The following KLHL1 variants were observed in gnomAD, a reference collection of about 807,000 sequenced individuals.
The protein encoded by KLHL1 is kelch-like protein 1.
In KLHL1, 47 loss-of-function variants were observed where a neutral mutation model predicts 77.7. That is an observed-to-expected ratio of 0.60 (90% CI 0.48 to 0.77). KLHL1 has a LOEUF of 0.77. Ranked by LOEUF, KLHL1 falls within the 30% of genes least tolerant of loss-of-function variation. KLHL1 has a pLI of 0.00. For synonymous variants in KLHL1, 360 were observed against 325.2 expected (o/e 1.11, Z -1.15); for missense variants, 925 against 910.8 (o/e 1.02, Z -0.20).
chr13:70,046,817 T>C (rs560648596), intron 1 of KLHL1, among the ~76,000 whole-genome samples: 2 of 152,250 alleles, frequency 1.3e-5, no homozygotes, highest in East Asian at 1.9e-4. Context: ...CTCTAGCTTA[T>C]GTGTTTATAC....
intron 4 of KLHL1, among the ~76,000 whole-genome samples, chr13:69,897,176 G>A (rs1169935103): frequency 1.3e-5 from 2 of 152,124 alleles, no homozygotes; most frequent in African/African-American, 2.4e-5. Context: ...TTGATTTTCA[G>A]GGGAATCTTT....
At chr13:69,860,146 C>T (rs560888844) in intron 5 of KLHL1, among the ~76,000 whole-genome samples, 1 of 152,154 alleles carries the variant, frequency 6.6e-6, no homozygotes, top group East Asian at 1.9e-4. Context: ...ACAAATATTA[C>T]ACAAAATATA....
chr13:69,719,476 C>T lies in KLHL1; in HGVS notation c.1908G>A (p.Arg636=). 1.2e-6 allele frequency: 2 copies of T among 1,613,554 alleles called. No individual in the cohort carries two copies. The highest frequency in any genetic ancestry group is 1.1e-5 in the South Asian group (1 of 91,076). The change falls in exon 9 of 11, where the codon AGG becomes AGA. Residue 636 remains arginine (R), a synonymous_variant. Coordinates refer to ENST00000377844, the MANE Select transcript of KLHL1 (RefSeq NM_020866.3). ...KWNMCAPMCK[R]RGGVGVATCD... ...ATGTGGCCACTCCGACACCCCCTCT[C>T]CTCTTACACATGGGAGCACACATGT...
chr13:69,881,159 G>GT (rs985491256), intron 5 of KLHL1, among the ~76,000 whole-genome samples: 2 of 151,902 alleles, frequency 1.3e-5, no homozygotes, highest in African/African-American at 4.8e-5. Context: ...TTATTTTGCT[G>GT]TTTTTTTCTC....
intron 7 of KLHL1, among the ~76,000 whole-genome samples, chr13:69,766,767 G>C (rs1875325730): frequency 6.6e-6 from 1 of 152,146 alleles, no homozygotes; most frequent in East Asian, 1.9e-4. Flanking sequence ...TTGTCATAGT[G>C]CATCAGGTAA....
In KLHL1 at chr13:69,974,030, G is replaced by C. The variant is rs985454674; in HGVS notation, c.680+1590C>G. 5.3e-5 allele frequency among the ~76,000 whole-genome samples: 8 copies of C among 151,832 alleles called. No homozygotes were observed. The East Asian group carries it at 1.2e-3, about 22-fold the overall frequency. On this transcript the variant is annotated intron_variant, in intron 2 of 10. Coordinates refer to ENST00000377844, the MANE Select transcript of KLHL1 (RefSeq NM_020866.3). ...AAAACTTTCCCCTGGTCTTCTTTAG[G>C]TGGGTCTCTGAACAGCTTGTGGTCT...
intron 7 of KLHL1, among the ~76,000 whole-genome samples, chr13:69,741,806 C>T (rs921769855): frequency 3.3e-5 from 5 of 152,138 alleles, no homozygotes; most frequent in African/African-American, 9.7e-5. Context: ...CTCAAGGACT[C>T]GGGAGCTGCA....
chr13:69,809,374 A>G (rs996669043), intron 6 of KLHL1, among the ~76,000 whole-genome samples: 1 of 152,174 alleles, frequency 6.6e-6, no homozygotes, highest in Non-Finnish European at 1.5e-5. Context: ...CAGGAATCTT[A>G]CAAGCCAAAA....
At chr13:69,850,365 C>T (rs1181054752) in intron 5 of KLHL1, among the ~76,000 whole-genome samples, 1 of 151,202 alleles carries the variant, frequency 6.6e-6, no homozygotes, top group African/African-American at 2.4e-5. Flanking sequence ...ATTTGTTTTC[C>T]TTCCTGAGAT....
intron 7 of KLHL1, among the ~76,000 whole-genome samples, chr13:69,752,554 G>T (rs957598503): frequency 6.6e-6 from 1 of 152,122 alleles, no homozygotes; most frequent in Non-Finnish European, 1.5e-5. Flanking sequence ...GCAACTTTGG[G>T]ATTCTAGCTC....
At chr13:69,710,507 C>T (rs992661440) in intron 9 of KLHL1, among the ~76,000 whole-genome samples, 3 of 151,938 alleles carry the variant, frequency 2.0e-5, no homozygotes, top group Non-Finnish European at 4.4e-5. Flanking sequence ...CTGACATAGA[C>T]ACACTCAGAT....
At chr13:69,967,615 T>C (rs551741465) in intron 2 of KLHL1, among the ~76,000 whole-genome samples, 3 of 152,078 alleles carry the variant, frequency 2.0e-5, no homozygotes, top group Non-Finnish European at 4.4e-5. Context: ...TGGTGGGGCG[T>C]TGTGGCTCAC....
At chr13:69,866,316 T>A (rs116268536) in intron 5 of KLHL1, among the ~76,000 whole-genome samples, 1,903 of 152,222 alleles carry the variant, frequency 0.013, 44 homozygotes, top group African/African-American at 0.042. Flanking sequence ...GTTTTCCAGC[T>A]CAGCAAAGCC....
At chr13:69,784,882 A>ATTTTTTTTTTT (rs775109435) in intron 7 of KLHL1, among the ~76,000 whole-genome samples, 4 of 79,502 alleles carry the variant, frequency 5.0e-5, no homozygotes, top group Non-Finnish European at 6.9e-5. Flanking sequence ...CAGAATATAC[A>ATTTTTTTTTTT]TTTTTTTTTT....
intron 4 of KLHL1, among the ~76,000 whole-genome samples, chr13:69,914,916 GA>G (rs1359494971): frequency 6.6e-6 from 1 of 152,136 alleles, no homozygotes; most frequent in African/African-American, 2.4e-5. Context: ...CTAACCTTAA[GA>G]GAAAGCCTCA....
chr13:69,867,981 A>G (rs1274178804), intron 5 of KLHL1, among the ~76,000 whole-genome samples: 4 of 151,830 alleles, frequency 2.6e-5, no homozygotes, highest in African/African-American at 4.9e-5. Flanking sequence ...GTGCACATGT[A>G]CCCTAAAACT....
intron 1 of KLHL1, among the ~76,000 whole-genome samples, chr13:70,071,229 A>G (rs1254664593): frequency 6.6e-6 from 1 of 152,088 alleles, no homozygotes; most frequent in Non-Finnish European, 1.5e-5. Flanking sequence ...TAGCTATATT[A>G]CTTTCACACT....
intron 9 of KLHL1, among the ~76,000 whole-genome samples, chr13:69,713,572 A>G (rs1242298335): frequency 2.0e-5 from 3 of 152,162 alleles, no homozygotes; most frequent in Admixed American, 1.3e-4. Context: ...TCTTTTCAAT[A>G]TTAAACCAAA....
At chr13:69,830,183 T>C (rs1396855281) in intron 6 of KLHL1, among the ~76,000 whole-genome samples, 2 of 150,262 alleles carry the variant, frequency 1.3e-5, no homozygotes, top group Non-Finnish European at 2.9e-5. Flanking sequence ...ACCAACCAAG[T>C]ATCTGCTATC....
Sources: gnomAD v4.1 joint callset for allele counts (sites outside exome capture counted in the v4.1 genomes callset) on GRCh38, gnomAD v4.1.1 for gene constraint, MANE v1.5 for transcripts, NCBI Gene and HGNC (gene_info 2026-07-23, HGNC 2026-07-21) for gene names.